IGSF21: variants seen among roughly 807,000 people sequenced by gnomAD.
The protein encoded by IGSF21 is immunoglobin superfamily member 21, also known as immunoglobulin superfamily member 21.
Under a neutral mutation model 46.8 loss-of-function variants are expected in IGSF21, and 28 were observed. The ratio of observed to expected loss-of-function variants is 0.60; its 90% CI spans 0.44 to 0.82. IGSF21 has a LOEUF of 0.82. Among genes scored for constraint, IGSF21 ranks in the 40% least tolerant of loss-of-function variants. IGSF21 has a pLI of 0.00. For synonymous variants in IGSF21, 284 were observed against 273.6 expected, an observed-to-expected ratio of 1.04 and a Z score of -0.38; for missense variants, 624 against 665.5, an observed-to-expected ratio of 0.94 and a Z score of 0.69.
intron 3 of IGSF21, among the ~76,000 whole-genome samples, chr1:18,323,559 G>A (rs1273272505): frequency 1.3e-5 from 2 of 152,170 alleles, no homozygotes; most frequent in South Asian, 2.1e-4. Flanking sequence ...CAGCTGGGCC[G>A]CCAACGATCA....
At chr1:18,136,639 A>G (rs1349486717) in intron 1 of IGSF21, among the ~76,000 whole-genome samples, 2 of 152,218 alleles carry the variant, frequency 1.3e-5, no homozygotes, top group Admixed American at 6.5e-5. Flanking sequence ...TACCAGTACC[A>G]TGCTGTTTTG....
At chr1:18,265,700 C>T (rs1461394245) in intron 2 of IGSF21, among the ~76,000 whole-genome samples, 1 of 152,268 alleles carries the variant, frequency 6.6e-6, no homozygotes, top group Non-Finnish European at 1.5e-5. Context: ...ACATGCTTGC[C>T]TTCCCCCATG....
chr1:18,212,986 A>T (rs1487861100), intron 1 of IGSF21, among the ~76,000 whole-genome samples: 1 of 152,198 alleles, frequency 6.6e-6, no homozygotes, highest in Non-Finnish European at 1.5e-5. Context: ...GCTTTAGGAG[A>T]CAGGGGTCCT....
chr1:18,272,445 G>T (rs964234472), intron 2 of IGSF21, among the ~76,000 whole-genome samples: 1 of 152,210 alleles, frequency 6.6e-6, no homozygotes, highest in Non-Finnish European at 1.5e-5. Flanking sequence ...TAAGAGCCCT[G>T]CTTCCTAAGG....
chr1:18,231,748 CTG>C (rs1303223500), intron 2 of IGSF21, among the ~76,000 whole-genome samples: 4 of 152,160 alleles, frequency 2.6e-5, no homozygotes, highest in African/African-American at 9.7e-5. Context: ...GGAAGTTTCA[CTG>C]GATAACCTGC....
chr1:18,319,352 C>G (rs892409239), intron 3 of IGSF21, among the ~76,000 whole-genome samples: 1 of 152,258 alleles, frequency 6.6e-6, no homozygotes, highest in Non-Finnish European at 1.5e-5. Context: ...CATCCCTCTG[C>G]CAGAACTTAG....
intron 1 of IGSF21, among the ~76,000 whole-genome samples, chr1:18,122,204 T>C (rs2086241020): frequency 6.9e-6 from 1 of 144,372 alleles, no homozygotes; most frequent in Non-Finnish European, 1.5e-5. Flanking sequence ...TTTTTTTTTT[T>C]TTTTTTTTTT....
At chr1:18,306,257 C>T (rs984071710) in intron 3 of IGSF21, among the ~76,000 whole-genome samples, 3 of 152,186 alleles carry the variant, frequency 2.0e-5, no homozygotes, top group East Asian at 1.9e-4. Flanking sequence ...TTGGCCTTCT[C>T]GCCAAGCTTG....
intron 3 of IGSF21, among the ~76,000 whole-genome samples, chr1:18,331,086 A>G (rs1194416053): frequency 2.0e-5 from 3 of 152,186 alleles, no homozygotes; most frequent in Admixed American, 6.5e-5. Flanking sequence ...TTTTATTTCT[A>G]TTTAGGAGAT....
intron 1 of IGSF21, among the ~76,000 whole-genome samples, chr1:18,161,074 G>A (rs561332841): frequency 3.3e-5 from 5 of 152,218 alleles, no homozygotes; most frequent in African/African-American, 9.6e-5. Context: ...CCAGAGTTTG[G>A]CCTCCTTGGC....
intron 1 of IGSF21, among the ~76,000 whole-genome samples, chr1:18,185,402 T>C (rs1262270831): frequency 6.6e-6 from 1 of 152,204 alleles, no homozygotes; most frequent in Non-Finnish European, 1.5e-5. Flanking sequence ...AAGTTAATGG[T>C]TGAGGAGAAA....
intron 3 of IGSF21, among the ~76,000 whole-genome samples, chr1:18,327,376 A>G (rs1569817973): frequency 6.6e-6 from 1 of 152,162 alleles, no homozygotes; most frequent in African/African-American, 2.4e-5. Flanking sequence ...TAGGTATAGG[A>G]CCAGCCGTGC....
chr1:18,300,648 C>T (rs1011771994), intron 3 of IGSF21, among the ~76,000 whole-genome samples: 8 of 152,238 alleles, frequency 5.3e-5, no homozygotes, highest in Admixed American at 5.2e-4. Flanking sequence ...CTGGGCTAAA[C>T]TCCTCAGGAA....
Position 18,144,139 on chromosome 1 carries a change from G to A in IGSF21, c.70+35941G>A, listed in dbSNP as rs533164976. Among the ~76,000 whole-genome samples, 9 of 152,220 alleles carry A rather than the reference G, an allele frequency of 5.9e-5. No individual in the cohort carries two copies. In the South Asian group the frequency reaches 1.0e-3, roughly 18 times the overall value. On this transcript the variant is annotated intron_variant, in intron 1 of 9. Coordinates refer to ENST00000251296, the MANE Select transcript of IGSF21 (RefSeq NM_032880.5). The stretch of plus-strand genomic sequence containing the variant: ...GTTTTCTGTTCCTTGATGTTTCCAC[G>A]TGGTCCTCTCGGGGAGGAGGCATGC...
chr1:18,240,114 T>C (rs908909491), intron 2 of IGSF21, among the ~76,000 whole-genome samples: 2 of 151,984 alleles, frequency 1.3e-5, no homozygotes, highest in Non-Finnish European at 2.9e-5. Flanking sequence ...CCCATCTCTA[T>C]AAAAACACAG....
chr1:18,263,381 C>A (rs893275706), intron 2 of IGSF21, among the ~76,000 whole-genome samples: 1 of 151,556 alleles, frequency 6.6e-6, no homozygotes, highest in African/African-American at 2.4e-5. Flanking sequence ...TCCAGCCCCA[C>A]CCCCACCTCT....
chr1:18,326,339 C>T (rs1307963335), intron 3 of IGSF21, among the ~76,000 whole-genome samples: 1 of 152,232 alleles, frequency 6.6e-6, no homozygotes, highest in African/African-American at 2.4e-5. Flanking sequence ...TTCATTACTT[C>T]ATGCTTGGGA....
At chr1:18,204,263 CA>C (rs1162623777) in intron 1 of IGSF21, among the ~76,000 whole-genome samples, 1 of 152,168 alleles carries the variant, frequency 6.6e-6, no homozygotes, top group African/African-American at 2.4e-5. Flanking sequence ...GTCATTTGCC[CA>C]AAGTTACATG....
At chr1:18,217,529 C>T (rs1388450472) in intron 1 of IGSF21, among the ~76,000 whole-genome samples, 1 of 152,258 alleles carries the variant, frequency 6.6e-6, no homozygotes, top group Non-Finnish European at 1.5e-5. Context: ...CTTCCTGGCC[C>T]TCCTTGCAGA....
Sources: gnomAD v4.1 joint callset for allele counts (sites outside exome capture counted in the v4.1 genomes callset) on GRCh38, gnomAD v4.1.1 for gene constraint, MANE v1.5 for transcripts, NCBI Gene and HGNC (gene_info 2026-07-23, HGNC 2026-07-21) for gene names.